POM121: variants seen among roughly 807,000 people sequenced by gnomAD.
POM121 encodes nuclear envelope pore membrane protein POM 121.
In POM121, 32 loss-of-function variants were observed where a neutral mutation model predicts 81.3. The ratio of observed to expected loss-of-function variants is 0.39; its 90% CI spans 0.30 to 0.53. POM121 has a LOEUF of 0.53. Ranked by LOEUF, POM121 falls within the 20% of genes least tolerant of loss-of-function variation. The pLI is 0.66. For synonymous variants in POM121, 514 were observed against 694.2 expected, an observed-to-expected ratio of 0.74 and a Z score of 4.08; for missense variants, 1,138 against 1,614.6, an observed-to-expected ratio of 0.70 and a Z score of 5.06.
upstream of POM121, among the ~76,000 whole-genome samples, chr7:72,923,589 AT>A (rs1187827150): frequency 9.0e-3 from 795 of 88,760 alleles, 6 homozygotes; most frequent in African/African-American, 0.039. Flanking sequence ...CGCCCGGCTA[AT>A]TTTTTTTTTT....
chr7:72,946,031 G>C (rs1797657738), intron 12 of POM121, 106 bp from the exon 13 acceptor site: 5 of 1,492,044 alleles, frequency 3.4e-6, no homozygotes, highest in Non-Finnish European at 3.6e-6. Context: ...GCCCTATTGA[G>C]GCACCCTGTG....
intron 3 of POM121, among the ~76,000 whole-genome samples, chr7:72,900,996 T>C (rs1463901230): frequency 6.6e-6 from 1 of 151,874 alleles, no homozygotes; most frequent in Non-Finnish European, 1.5e-5. Flanking sequence ...TGGCGTTTTT[T>C]TTTTTAAGAG....
chr7:72,926,429 T>C lies in POM121; in HGVS notation c.812T>C (p.Val271Ala). 6 of 1,614,006 alleles carry C rather than the reference T, an allele frequency of 3.7e-6. No individual in the cohort carries two copies. Among genetic ancestry groups the C allele is most frequent in the Non-Finnish European group, 5.1e-6 (6 of 1,179,872 alleles). The change falls in exon 2 of 13, where the codon GTG (valine) becomes GCG (alanine). Residue 271 changes from valine to alanine, a missense_variant. This residue lies in a region of POM121 where 646 missense variants were observed against 633.5 expected (regional missense o/e 1.02). Transcript: ENST00000434423. ...PRNSRMVCSP[V>A]TVRIAPPDRR... is the part of the protein sequence containing the mutation. Reference sequence around the variant, plus strand: ...AACTCCAGGATGGTGTGTAGCCCAGTGACTGTGAGGATCGCCCCTCCTGAC... The same window carrying C: ...AACTCCAGGATGGTGTGTAGCCCAGCGACTGTGAGGATCGCCCCTCCTGAC...
Position 72,948,093 on chromosome 7 carries a change from C to T in POM121, c.*1859C>T. On this transcript the variant is annotated 3_prime_UTR_variant, in exon 13 of 13. Transcript: ENST00000434423. ...GTACCTGAGCTAGTTTACCTCAGTT[C>T]CGCAGGCAGGACAGCCGGTCCGGGA... 1 of 1,357,190 alleles carries T rather than the reference C, an allele frequency of 7.4e-7. No individual in the cohort carries two copies. The highest frequency in any genetic ancestry group is 9.5e-7 in the Non-Finnish European group (1 of 1,053,414). The allele number at this position is 1,357,190 out of a possible 1,614,324, so 84.1% of individuals were successfully genotyped here.
intron 5 of POM121, among the ~76,000 whole-genome samples, chr7:72,937,211 C>T (rs1379733171): frequency 1.5e-4 from 22 of 150,782 alleles, no homozygotes; most frequent in Non-Finnish European, 2.4e-4. Flanking sequence ...GCTGAGATCG[C>T]GCCACTGCAC....
At chr7:72,928,235 A>C in intron 3 of POM121, 150 bp from the exon 4 acceptor site, 2 of 1,172,058 alleles carry the variant, frequency 1.7e-6, no homozygotes, top group East Asian at 2.4e-5. Context: ...TACCTTTCAG[A>C]AGCTTAGGGA....
intron 3 of POM121, among the ~76,000 whole-genome samples, chr7:72,903,118 CAAAAAGAAAAAAGTAAAATT>C (rs1359152303): frequency 2.6e-5 from 4 of 151,598 alleles, no homozygotes; most frequent in Non-Finnish European, 5.9e-5. Context: ...CTTTTCCCCC[CAAAAAGAAAAAAGTAAAATT>C]AAAAAGAAAA....
intron 5 of POM121, among the ~76,000 whole-genome samples, chr7:72,931,416 C>CAGAT (rs1231841076): frequency 6.6e-6 from 1 of 152,100 alleles, no homozygotes; most frequent in Admixed American, 6.5e-5. Flanking sequence ...ATAAGATAGA[C>CAGAT]AGATCCTCTA....
chr7:72,928,297 A>C, intron 3 of POM121, 88 bp from the exon 4 acceptor site: 1 of 1,515,616 alleles, frequency 6.6e-7, no homozygotes, highest in Non-Finnish European at 9.1e-7. Flanking sequence ...CCATAGAGAT[A>C]GTATAAGGTC....
chr7:72,944,819 G>C (rs1318057780), intron 11 of POM121, among the ~76,000 whole-genome samples: 1 of 152,120 alleles, frequency 6.6e-6, no homozygotes, highest in Non-Finnish European at 1.5e-5. Flanking sequence ...GGGGGTGGCA[G>C]GGTTGAGGGG....
intron 4 of POM121, among the ~76,000 whole-genome samples, chr7:72,917,867 G>C (rs1586128855): frequency 6.6e-6 from 1 of 152,218 alleles, no homozygotes; most frequent in African/African-American, 2.4e-5. Context: ...TGGATACAAA[G>C]CAAAAGGGGC....
At chr7:72,888,522 T>C (rs1790960034) in intron 1 of POM121, among the ~76,000 whole-genome samples, 1 of 152,206 alleles carries the variant, frequency 6.6e-6, no homozygotes, top group Admixed American at 6.6e-5. Context: ...TTTTACTTTT[T>C]CTTAGTTATA....
intron 1 of POM121, among the ~76,000 whole-genome samples, chr7:72,881,406 G>T (rs1790145789): frequency 6.7e-6 from 1 of 149,664 alleles, no homozygotes; most frequent in South Asian, 2.2e-4. Context: ...AGCCTATTGA[G>T]CTTTCTTTTG....
chr7:72,923,743 G>C (rs1274901127), upstream of POM121, among the ~76,000 whole-genome samples: 1 of 149,490 alleles, frequency 6.7e-6, no homozygotes, highest in Non-Finnish European at 1.5e-5. Flanking sequence ...GGGACTACAG[G>C]CGCCCGCCAC....
rs1554503353 is a variant in POM121 at position 72,946,586 on chromosome 7, C to T, written c.*352C>T. Reference sequence around the variant, plus strand: ...CCCTTCCACCTTTCCCCGAGACCGTCGTCGCTGGAGGGGGCAGGGTCCAGC... The same window carrying T: ...CCCTTCCACCTTTCCCCGAGACCGTTGTCGCTGGAGGGGGCAGGGTCCAGC... On this transcript the variant is annotated 3_prime_UTR_variant, in exon 13 of 13. Coordinates refer to ENST00000434423, the MANE Select transcript of POM121 (RefSeq NM_001387691.1). 1.2e-5 allele frequency: 12 copies of T among 1,039,454 alleles called. No individual in the cohort carries two copies. Among genetic ancestry groups the T allele is most frequent in the East Asian group, 8.5e-5 (1 of 11,716 alleles). 64.4% of individuals were successfully genotyped at this position (1,039,454 alleles called of 1,614,324 possible).
intron 5 of POM121, among the ~76,000 whole-genome samples, chr7:72,933,074 G>A (rs566564394): frequency 6.8e-6 from 1 of 146,574 alleles, no homozygotes; most frequent in South Asian, 2.2e-4. Flanking sequence ...AAAGCCAGCC[G>A]AGCTTGGTGG....
chr7:72,908,090 T>C (rs1355835923), intron 3 of POM121, among the ~76,000 whole-genome samples: 5 of 152,260 alleles, frequency 3.3e-5, no homozygotes, highest in African/African-American at 4.8e-5. Flanking sequence ...TTGAGTTTTT[T>C]ACTTAGTTAT....
upstream of POM121, among the ~76,000 whole-genome samples, chr7:72,924,104 A>G (rs1196446802): frequency 1.5e-4 from 23 of 149,024 alleles, no homozygotes; most frequent in Admixed American, 2.0e-4. Context: ...ACGCCCGGCT[A>G]AGTTTTTTTT....
chr7:72,935,307 G>C (rs1554499250), intron 5 of POM121, among the ~76,000 whole-genome samples: 1 of 151,780 alleles, frequency 6.6e-6, no homozygotes, highest in East Asian at 1.9e-4. Flanking sequence ...TGAGTAGCTG[G>C]GACCACAGGC....
Sources: gnomAD v4.1 joint callset for allele counts (sites outside exome capture counted in the v4.1 genomes callset) on GRCh38, gnomAD v4.1.1 for gene constraint, gnomAD v4.1.1 regional missense constraint, MANE v1.5 for transcripts, NCBI Gene and HGNC (gene_info 2026-07-23, HGNC 2026-07-21) for gene names.